Variants in CTNND2 observed in about 807,000 individuals in gnomAD.
CTNND2 encodes the protein catenin delta-2.
In CTNND2, 22 loss-of-function variants were observed where a neutral mutation model predicts 144.4. That is an observed-to-expected ratio of 0.15 (90% CI 0.11 to 0.22). The LOEUF (loss-of-function observed/expected upper bound fraction) is 0.22, where lower values mean the gene tolerates loss of function less well. Among genes scored for constraint, CTNND2 ranks in the 10% least tolerant of loss-of-function variants. CTNND2 has a pLI of 1.00. For missense variants in CTNND2, 1,353 were observed against 1,618.8 expected (o/e 0.84, Z 2.82); for synonymous variants, 751 against 695.6 (o/e 1.08, Z -1.25).
At chr5:11,520,069 C>A (rs1772578777) in intron 3 of CTNND2, among the ~76,000 whole-genome samples, 1 of 149,676 alleles carries the variant, frequency 6.7e-6, no homozygotes, top group South Asian at 2.1e-4. Flanking sequence ...ATCACTCGAA[C>A]CCAGGAGGAA....
At chr5:11,509,063 C>T (rs1317511651) in intron 3 of CTNND2, among the ~76,000 whole-genome samples, 1 of 152,204 alleles carries the variant, frequency 6.6e-6, no homozygotes, top group Non-Finnish European at 1.5e-5. Flanking sequence ...AACTTTGACA[C>T]AGGTAACTTT....
At chr5:11,381,494 G>C (rs1002539543) in intron 7 of CTNND2, among the ~76,000 whole-genome samples, 2 of 152,180 alleles carry the variant, frequency 1.3e-5, no homozygotes, top group Admixed American at 1.3e-4. Flanking sequence ...TTGCTACTCA[G>C]CAAACATATC....
At chr5:11,212,262 A>G (rs1738713262) in intron 10 of CTNND2, among the ~76,000 whole-genome samples, 1 of 152,238 alleles carries the variant, frequency 6.6e-6, no homozygotes, top group Non-Finnish European at 1.5e-5. Flanking sequence ...GGATACACAC[A>G]GGAACAAATA....
chr5:11,066,636 A>G (rs1475348513), intron 16 of CTNND2, among the ~76,000 whole-genome samples: 1 of 152,162 alleles, frequency 6.6e-6, no homozygotes, highest in African/African-American at 2.4e-5. Context: ...GGGCTGTGTC[A>G]TGGGCCATGG....
chr5:11,389,546 T>C (rs747795039), intron 6 of CTNND2, among the ~76,000 whole-genome samples: 37 of 152,284 alleles, frequency 2.4e-4, no homozygotes, highest in African/African-American at 6.0e-4. Flanking sequence ...TGTAGATGCA[T>C]TGATATCTAT....
intron 1 of CTNND2, among the ~76,000 whole-genome samples, chr5:11,766,595 T>G (rs1789601441): frequency 6.6e-6 from 1 of 152,158 alleles, no homozygotes; most frequent in Admixed American, 6.5e-5. Context: ...CCACTAAACC[T>G]CTTTCTTTTG....
At chr5:11,869,612 C>G (rs1322866474) in intron 1 of CTNND2, among the ~76,000 whole-genome samples, 1 of 152,166 alleles carries the variant, frequency 6.6e-6, no homozygotes, top group Non-Finnish European at 1.5e-5. Flanking sequence ...TGGTACAGAG[C>G]TGCTATTCGA....
chr5:10,992,657 G>A lies in CTNND2; in HGVS notation c.3105C>T (p.His1035=), dbSNP rs936793550. 1.5e-5 allele frequency: 24 copies of A among 1,614,066 alleles called. No individual in the cohort carries two copies. The highest frequency in any genetic ancestry group is 2.7e-5 in the African/African-American group (2 of 74,948). Reference sequence around the variant, plus strand: ...CGATGGTTGAAGACGAGGCTACAAAGTGGTATTGTGACCATCCATCCTGCA... The same window carrying A: ...CGATGGTTGAAGACGAGGCTACAAAATGGTATTGTGACCATCCATCCTGCA... ...LYKKDGWSQY[H]FVASSSTIER... The change falls in exon 19 of 22, where the codon CAC becomes CAT. Residue 1035 remains histidine (H), a synonymous_variant. Coordinates refer to ENST00000304623, the MANE Select transcript of CTNND2 (RefSeq NM_001332.4).
chr5:11,651,197 C>G (rs1782632349), intron 2 of CTNND2, among the ~76,000 whole-genome samples: 1 of 152,150 alleles, frequency 6.6e-6, no homozygotes, highest in Non-Finnish European at 1.5e-5. Context: ...CCCAGCCACT[C>G]CAGCTCTAGC....
Position 11,561,875 on chromosome 5 carries a change from C to G in CTNND2, c.287+3069G>C, listed in dbSNP as rs542972663. Among the ~76,000 whole-genome samples, 7 of 152,188 alleles carry G rather than the reference C, an allele frequency of 4.6e-5. No individual in the cohort carries two copies. The South Asian group carries it at 1.2e-3, about 27-fold the overall frequency. ...TGGCCAACATGGTGAAACCCTGTCT[C>G]TACCTAAAATATTTTTAAAAATTAG... On this transcript the variant is annotated intron_variant, in intron 3 of 21. Coordinates refer to ENST00000304623, the MANE Select transcript of CTNND2 (RefSeq NM_001332.4).
intron 5 of CTNND2, among the ~76,000 whole-genome samples, chr5:11,398,346 T>C (rs554023840): frequency 3.1e-4 from 47 of 152,350 alleles, no homozygotes; most frequent in African/African-American, 1.1e-3. Flanking sequence ...GAATGAGACA[T>C]GATGTGGATC....
chr5:11,400,019 C>T (rs1018863085), intron 5 of CTNND2, among the ~76,000 whole-genome samples: 1 of 152,184 alleles, frequency 6.6e-6, no homozygotes, highest in Non-Finnish European at 1.5e-5. Flanking sequence ...ATGTAACTAA[C>T]TTTCAATTAG....
chr5:11,255,770 G>C (rs1016635995), intron 9 of CTNND2, among the ~76,000 whole-genome samples: 1 of 152,124 alleles, frequency 6.6e-6, no homozygotes, highest in Non-Finnish European at 1.5e-5. Flanking sequence ...AATCAGTCAC[G>C]AGAGCTGGAA....
intron 3 of CTNND2, among the ~76,000 whole-genome samples, chr5:11,511,955 T>C (rs10065360): frequency 0.11 from 17,120 of 152,194 alleles, 1,113 homozygotes; most frequent in African/African-American, 0.18. Context: ...AACAAACCTA[T>C]TTTGCACTCT....
At chr5:11,183,923 C>T (rs778751136) in intron 11 of CTNND2, among the ~76,000 whole-genome samples, 39 of 152,104 alleles carry the variant, frequency 2.6e-4, no homozygotes, top group Non-Finnish European at 7.4e-5. Flanking sequence ...CTCCCTCTTT[C>T]TCTTTCTCTC....
intron 1 of CTNND2, among the ~76,000 whole-genome samples, chr5:11,869,494 A>G (rs1795927043): frequency 1.3e-5 from 2 of 152,230 alleles, no homozygotes; most frequent in African/African-American, 4.8e-5. Flanking sequence ...ATAATATGTG[A>G]TTCCACCTAT....
At chr5:11,194,279 C>T (rs765193093) in intron 11 of CTNND2, among the ~76,000 whole-genome samples, 1 of 152,080 alleles carries the variant, frequency 6.6e-6, no homozygotes. Flanking sequence ...AATGGGAAGA[C>T]AAGCTAGAAA....
chr5:11,033,298 TC>T (rs1743686837), intron 16 of CTNND2, among the ~76,000 whole-genome samples: 1 of 152,226 alleles, frequency 6.6e-6, no homozygotes, highest in African/African-American at 2.4e-5. Flanking sequence ...TCCTGAATCC[TC>T]CAGCTTACCC....
At chr5:11,336,216 G>C (rs557598211) in intron 9 of CTNND2, among the ~76,000 whole-genome samples, 39 of 152,084 alleles carry the variant, frequency 2.6e-4, no homozygotes, top group Non-Finnish European at 5.1e-4. Flanking sequence ...TTCTTTCCTT[G>C]CTTTGTGAGT....
Sources: allele counts gnomAD v4.1 joint callset (sites outside exome capture counted in the v4.1 genomes callset), GRCh38; gene constraint gnomAD v4.1.1; transcripts MANE v1.5; gene names NCBI Gene and HGNC (gene_info 2026-07-23, HGNC 2026-07-21).